Variants in FAM135A observed in about 807,000 individuals in gnomAD.
The protein encoded by FAM135A is family with sequence similarity 135 member A.
A neutral mutation model predicts 146.8 loss-of-function variants in FAM135A; 79 were observed. That is an observed-to-expected ratio of 0.54 (90% CI 0.45 to 0.65). The LOEUF (loss-of-function observed/expected upper bound fraction) is 0.65. Ranked by LOEUF, FAM135A falls within the 30% of genes least tolerant of loss-of-function variation. The probability of loss-of-function intolerance (pLI) is 0.00; values close to 1 mark genes in which losing one functional copy is unlikely to be tolerated. For synonymous variants in FAM135A, 562 were observed against 603.6 expected, an observed-to-expected ratio of 0.93 and a Z score of 1.01; for missense variants, 1,623 against 1,758.2, an observed-to-expected ratio of 0.92 and a Z score of 1.38.
chr6:70,451,493 A>T (rs902858797), intron 4 of FAM135A, among the ~76,000 whole-genome samples: 1 of 152,068 alleles, frequency 6.6e-6, no homozygotes, highest in Admixed American at 6.6e-5. Context: ...AGCAGTCCTC[A>T]TCTTAATCTT....
intron 20 of FAM135A, among the ~76,000 whole-genome samples, chr6:70,549,841 T>C (rs1799494565): frequency 6.6e-6 from 1 of 152,196 alleles, no homozygotes. Context: ...TGATAGTATT[T>C]TACCTGTAGT....
rs566857951 is a variant in FAM135A, at chr6:70,459,900, G to A, written c.157+7329G>A. 3.5e-4 allele frequency among the ~76,000 whole-genome samples: 54 copies of A among 152,156 alleles called. 1 individual carries two copies. The highest frequency in any genetic ancestry group is 1.9e-4 in the East Asian group (1 of 5,172). On this transcript the variant is annotated intron_variant, in intron 5 of 21. Transcript: ENST00000418814. ...AAAAAAATTAGCCAGGCGTGGTGGC[G>A]GGTGCCTGTAATTCCCGCTACTTGG...
chr6:70,499,849 T>C (rs1026348916), intron 11 of FAM135A, among the ~76,000 whole-genome samples: 2 of 152,338 alleles, frequency 1.3e-5, no homozygotes, highest in East Asian at 1.9e-4. Flanking sequence ...AGCTGTGCTA[T>C]TATTCTGCTG....
At position 70,525,595 on chromosome 6, in the gene FAM135A, G is replaced by A; in HGVS notation, c.2511G>A (p.Leu837=). The A allele has an allele frequency of 6.2e-7, 1 of 1,613,464 alleles. No homozygotes were observed. Among genetic ancestry groups the A allele is most frequent in the East Asian group, 2.2e-5 (1 of 44,854 alleles). The change falls in exon 15 of 22, where the codon TTG becomes TTA. Residue 837 remains leucine, a synonymous_variant. Transcript: ENST00000418814. ...CTATAAGTGAAATACAGTCATCTTT[G>A]ACATCCATAAACTCTCTACCCTCCG... ...TSAISEIQSS[L]TSINSLPSDD...
At chr6:70,494,569 C>G (rs1187474441) in intron 11 of FAM135A, among the ~76,000 whole-genome samples, 1 of 151,820 alleles carries the variant, frequency 6.6e-6, no homozygotes, top group Non-Finnish European at 1.5e-5. Flanking sequence ...AGAGATCTTG[C>G]CAAACTTAAT....
chr6:70,526,757 A>G, intron 15 of FAM135A, 59 bp downstream of exon 15: 1 of 637,000 alleles, frequency 1.6e-6, no homozygotes, highest in East Asian at 3.2e-5. Flanking sequence ...ATATACACAC[A>G]CACACACATA....
At chr6:70,453,967 A>G (rs1312271246) in intron 5 of FAM135A, among the ~76,000 whole-genome samples, 2 of 152,214 alleles carry the variant, frequency 1.3e-5, no homozygotes, top group African/African-American at 2.4e-5. Flanking sequence ...TTCTAGTTCT[A>G]GATCCTTGAG....
Position 70,482,126 on chromosome 6 carries a change from G to T in FAM135A, c.795G>T (p.Glu265Asp). 1.2e-6 allele frequency: 2 copies of T among 1,613,514 alleles called. No homozygotes were observed. The highest frequency in any genetic ancestry group is 1.7e-6 in the Non-Finnish European group (2 of 1,179,704). ...LHSYFITVTE[E>D]IPSCQKLELE... Reference sequence around the variant, plus strand: ...GCTACTTCATTACAGTAACAGAAGAGATTCCTTCTTGTCAGAAACTAGAAC... The same window carrying T: ...GCTACTTCATTACAGTAACAGAAGATATTCCTTCTTGTCAGAAACTAGAAC... The change falls in exon 10 of 22, where the codon GAG becomes GAT. Residue 265 changes from glutamate (E) to aspartate (D), a missense_variant. Physicochemically the swap from Glu to Asp is conservative, Grantham distance 45 (BLOSUM62 2). This residue lies in a region of FAM135A where 206 missense variants were observed against 194.7 expected (regional missense o/e 1.06). Transcript: ENST00000418814.
At chr6:70,436,554 G>C (rs1019528499) in intron 4 of FAM135A, among the ~76,000 whole-genome samples, 4 of 152,070 alleles carry the variant, frequency 2.6e-5, no homozygotes, top group Admixed American at 2.6e-4. Context: ...AAGGGTATTG[G>C]ATTTAAGGGG....
chr6:70,543,052 A>G (rs1798223556), intron 20 of FAM135A, among the ~76,000 whole-genome samples: 1 of 152,202 alleles, frequency 6.6e-6, no homozygotes, highest in South Asian at 2.1e-4. Flanking sequence ...CATTTCCCAC[A>G]TACATATTCA....
chr6:70,424,756 T>C (rs1769663774), intron 2 of FAM135A, among the ~76,000 whole-genome samples: 1 of 152,154 alleles, frequency 6.6e-6, no homozygotes, highest in South Asian at 2.1e-4. Context: ...CAACACCCGG[T>C]ATTGTGGCAT....
chr6:70,474,833 T>A (rs537542520), intron 5 of FAM135A, among the ~76,000 whole-genome samples: 16 of 152,194 alleles, frequency 1.1e-4, no homozygotes, highest in Non-Finnish European at 2.2e-4. Context: ...TCGCTCAGTC[T>A]TTAGCTATTC....
At chr6:70,448,505 C>T (rs931243600) in intron 4 of FAM135A, among the ~76,000 whole-genome samples, 3 of 152,108 alleles carry the variant, frequency 2.0e-5, no homozygotes, top group African/African-American at 7.2e-5. Flanking sequence ...ACCGTCGCTC[C>T]GGTGACCCTT....
intron 10 of FAM135A, 26 bp from the exon 11 acceptor site, chr6:70,491,008 T>C: frequency 6.6e-7 from 1 of 1,526,534 alleles, no homozygotes; most frequent in Non-Finnish European, 8.8e-7. Flanking sequence ...CATTGGAATA[T>C]TTCCTCTACT....
chr6:70,450,789 G>C (rs555012914), intron 4 of FAM135A, among the ~76,000 whole-genome samples: 1 of 108,528 alleles, frequency 9.2e-6, no homozygotes, highest in Non-Finnish European at 1.7e-5. Context: ...CTCTCAGGCT[G>C]TTAGTGCAGT....
intron 5 of FAM135A, among the ~76,000 whole-genome samples, chr6:70,467,350 T>G (rs1385823535): frequency 6.6e-6 from 1 of 152,164 alleles, no homozygotes. Flanking sequence ...ATCTTCTATG[T>G]GACCTTTTTC....
intron 15 of FAM135A, among the ~76,000 whole-genome samples, chr6:70,527,980 G>A (rs1038822918): frequency 1.1e-4 from 16 of 152,076 alleles, no homozygotes; most frequent in African/African-American, 3.9e-4. Context: ...GCTTTTCTGT[G>A]CATACAGTGT....
At chr6:70,416,660 T>C (rs1209476852) in intron 2 of FAM135A, among the ~76,000 whole-genome samples, 1 of 152,130 alleles carries the variant, frequency 6.6e-6, no homozygotes, top group Non-Finnish European at 1.5e-5. Flanking sequence ...GTGTGGTGGC[T>C]CATGCCTGTA....
rs549763987 is a variant in FAM135A, at chr6:70,423,334, A to G, written c.-133-3105A>G. The stretch of plus-strand genomic sequence containing the variant: ...AGAGAGACAAAAGCTGGTTTTTTGA[A>G]AATAGCCTGAAGAGGGGGAATATAT... On this transcript the variant is annotated intron_variant, in intron 2 of 21. Coordinates refer to ENST00000418814, the MANE Select transcript of FAM135A (RefSeq NM_001162529.3). Among the ~76,000 whole-genome samples the G allele has an allele frequency of 2.2e-4, 33 of 152,326 alleles. 1 individual carries two copies. In the South Asian group the frequency reaches 6.2e-3, roughly 29 times the overall value.
Sources: gnomAD v4.1 joint callset for allele counts (sites outside exome capture counted in the v4.1 genomes callset) on GRCh38, gnomAD v4.1.1 for gene constraint, gnomAD v4.1.1 regional missense constraint, MANE v1.5 for transcripts, NCBI Gene and HGNC (gene_info 2026-07-23, HGNC 2026-07-21) for gene names.